Variants in PUM1 observed in about 807,000 individuals in gnomAD.
The protein encoded by PUM1 is pumilio homolog 1.
Under a neutral mutation model 131.8 loss-of-function variants are expected in PUM1, and 13 were observed. The ratio of observed to expected loss-of-function variants is 0.10; its 90% CI spans 0.06 to 0.16. The LOEUF is 0.16. PUM1 is among the 10% of genes least tolerant of loss of function. The pLI is 1.00. For missense variants in PUM1, 961 were observed against 1,512.4 expected (o/e 0.64, Z 6.05); for synonymous variants, 509 against 556.5 (o/e 0.91, Z 1.20).
chr1:31,054,075 C>T (rs535988375), intron 2 of PUM1, among the ~76,000 whole-genome samples: 1 of 104,364 alleles, frequency 9.6e-6, no homozygotes, highest in East Asian at 3.0e-4. Flanking sequence ...GCCTGGACTA[C>T]AGAGCAAGAC....
At chr1:31,001,342 TGACAGAAAGA>T (rs1193538938) in intron 5 of PUM1, among the ~76,000 whole-genome samples, 2 of 151,362 alleles carry the variant, frequency 1.3e-5, no homozygotes, top group South Asian at 2.1e-4. Flanking sequence ...GCATTCCAGG[TGACAGAAAGA>T]GACAGAAAGA....
intron 2 of PUM1, chr1:31,055,473 A>G: frequency 2.2e-6 from 1 of 445,814 alleles, no homozygotes; most frequent in South Asian, 1.6e-5. Flanking sequence ...AATACACTAT[A>G]ATGACTACAG....
Position 31,005,798 on chromosome 1 carries a change from AG to A in PUM1, c.720+54del, listed in dbSNP as rs1570254921. 8.0e-6 allele frequency: 3 copies of A among 376,200 alleles called. No homozygotes were observed. The African/African-American group carries it at 5.7e-4, about 72-fold the overall frequency. The allele number at this position is 376,200 out of a possible 1,614,324, so 23.3% of individuals were successfully genotyped here. ...TTTGCTTTAGGGGAAAAAAAGAGAG[AG>A]AGAGAGAGAGAGAGAGAGAGAGAGA... On this transcript the variant is annotated intron_variant, in intron 5 of 21. Coordinates refer to ENST00000426105, the MANE Select transcript of PUM1 (RefSeq NM_001020658.2).
chr1:30,973,855 C>G (rs1424624314), intron 10 of PUM1, among the ~76,000 whole-genome samples: 1 of 151,608 alleles, frequency 6.6e-6, no homozygotes, highest in African/African-American at 2.4e-5. Flanking sequence ...TTTGGGAGGC[C>G]GAGGCGGGTG....
chr1:31,062,398 G>T (rs995354204), intron 1 of PUM1, among the ~76,000 whole-genome samples: 1 of 152,122 alleles, frequency 6.6e-6, no homozygotes, highest in Non-Finnish European at 1.5e-5. Context: ...GGAGGCAGGC[G>T]CATCTCCAGG....
At chr1:30,973,532 T>C (rs1570172656) in intron 10 of PUM1, among the ~76,000 whole-genome samples, 1 of 152,158 alleles carries the variant, frequency 6.6e-6, no homozygotes, top group Non-Finnish European at 1.5e-5. Flanking sequence ...ATATCAAATA[T>C]AATAGACTAG....
chr1:30,955,094 A>C (rs533624789), intron 14 of PUM1, among the ~76,000 whole-genome samples: 110 of 151,968 alleles, frequency 7.2e-4, no homozygotes, highest in Middle Eastern at 3.4e-3. Context: ...AACAAACAAA[A>C]AAAAACAAAA....
intron 6 of PUM1, among the ~76,000 whole-genome samples, chr1:30,993,135 T>A (rs1288193722): frequency 6.6e-6 from 1 of 152,080 alleles, no homozygotes; most frequent in Non-Finnish European, 1.5e-5. Context: ...AGAAACAGAA[T>A]GAAAAAAGTT....
At chr1:31,005,094 C>T (rs1018402532) in intron 5 of PUM1, among the ~76,000 whole-genome samples, 3 of 152,058 alleles carry the variant, frequency 2.0e-5, no homozygotes, top group African/African-American at 7.2e-5. Context: ...ATGAGGAAGA[C>T]TCAAATGGAA....
At chr1:31,021,243 A>T (rs2124534208) in intron 3 of PUM1, among the ~76,000 whole-genome samples, 1 of 152,346 alleles carries the variant, frequency 6.6e-6, no homozygotes, top group South Asian at 2.1e-4. Flanking sequence ...ACATATTTGC[A>T]GACAGCCTGA....
chr1:30,936,530 G>C, intron 21 of PUM1, 113 bp downstream of exon 21: 2 of 1,023,530 alleles, frequency 2.0e-6, no homozygotes, highest in Non-Finnish European at 2.8e-6. Context: ...GCATGGGACA[G>C]AGGTCAGTGA....
intron 2 of PUM1, among the ~76,000 whole-genome samples, chr1:31,051,812 A>C (rs1644116242): frequency 1.3e-5 from 2 of 152,106 alleles, no homozygotes; most frequent in South Asian, 4.1e-4. Flanking sequence ...CAGTTCAACC[A>C]ATCGACTTTA....
chr1:31,003,698 G>A (rs1462511939), intron 5 of PUM1, among the ~76,000 whole-genome samples: 2 of 152,070 alleles, frequency 1.3e-5, no homozygotes, highest in African/African-American at 4.8e-5. Context: ...TGGAGGTTGC[G>A]ATGAGCCAAG....
intron 21 of PUM1, 139 bp from the exon 22 acceptor site, chr1:30,933,481 CACA>C (rs1477819920): frequency 1.0e-4 from 88 of 839,660 alleles, no homozygotes; most frequent in East Asian, 7.1e-4. Flanking sequence ...CACACACACA[CACA>C]CCCCTACAGC....
chr1:31,061,562 T>C (rs1644368484), intron 1 of PUM1: 1 of 151,068 alleles, frequency 6.6e-6, no homozygotes, highest in South Asian at 2.1e-4. Flanking sequence ...GTCGCACCAC[T>C]GTGCTCCAGC....
At chr1:30,973,252 T>TAAA (rs11376427) in intron 10 of PUM1, among the ~76,000 whole-genome samples, 1 of 138,254 alleles carries the variant, frequency 7.2e-6, no homozygotes, top group East Asian at 2.0e-4. Context: ...GTGTGGAATC[T>TAAA]AAAAAAAAAA....
chr1:30,933,431 C>CACACACAG, intron 21 of PUM1, 89 bp from the exon 22 acceptor site: 1 of 850,234 alleles, frequency 1.2e-6, no homozygotes. Context: ...TCATGCATCA[C>CACACACAG]ACACACATAC....
intron 7 of PUM1, among the ~76,000 whole-genome samples, chr1:30,989,987 G>A (rs903638973): frequency 1.3e-5 from 2 of 152,148 alleles, no homozygotes; most frequent in Non-Finnish European, 2.9e-5. Flanking sequence ...AAAATATTAA[G>A]TTCTGATCCA....
chr1:30,949,110 T>C, intron 17 of PUM1: 1 of 384,990 alleles, frequency 2.6e-6, no homozygotes, highest in Non-Finnish European at 5.0e-6. Flanking sequence ...GGGTGGTGGG[T>C]GTCTTGTCTG....
Sources: allele counts gnomAD v4.1 joint callset (sites outside exome capture counted in the v4.1 genomes callset), GRCh38; gene constraint gnomAD v4.1.1; transcripts MANE v1.5; gene names NCBI Gene and HGNC (gene_info 2026-07-23, HGNC 2026-07-21).